PDE1C: variants seen among roughly 807,000 people sequenced by gnomAD.
PDE1C encodes phosphodiesterase 1C, also known as dual specificity calcium/calmodulin-dependent 3',5'-cyclic nucleotide phosphodiesterase 1C.
A neutral mutation model predicts 93.1 loss-of-function variants in PDE1C; 62 were observed. The ratio of observed to expected loss-of-function variants is 0.67; its 90% CI spans 0.54 to 0.82. The LOEUF is 0.82. Ranked by LOEUF, PDE1C falls within the 40% of genes least tolerant of loss-of-function variation. The pLI is 0.00. For missense variants in PDE1C, 742 were observed against 884.6 expected, an observed-to-expected ratio of 0.84 and a Z score of 2.04; for synonymous variants, 325 against 310.1, an observed-to-expected ratio of 1.05 and a Z score of -0.50.
At chr7:31,981,874 A>G (rs1812425718) in intron 2 of PDE1C, among the ~76,000 whole-genome samples, 1 of 152,264 alleles carries the variant, frequency 6.6e-6, no homozygotes, top group African/African-American at 2.4e-5. Flanking sequence ...ACAGTTTCAT[A>G]TCTTACAGAC....
chr7:32,146,032 G>A (rs989073942), intron 3 of PDE1C, among the ~76,000 whole-genome samples: 17 of 152,172 alleles, frequency 1.1e-4, no homozygotes, highest in African/African-American at 4.1e-4. Flanking sequence ...GGAGGAATAA[G>A]AAGGGGTAGT....
At chr7:31,792,887 A>T (rs899969401) in intron 16 of PDE1C, among the ~76,000 whole-genome samples, 2 of 152,104 alleles carry the variant, frequency 1.3e-5, no homozygotes, top group African/African-American at 4.8e-5. Flanking sequence ...GTGACTGATG[A>T]ATTGAAATGG....
intron 2 of PDE1C, among the ~76,000 whole-genome samples, chr7:32,183,468 A>G (rs1377092531): frequency 1.3e-5 from 2 of 152,196 alleles, no homozygotes; most frequent in African/African-American, 2.4e-5. Flanking sequence ...GACAAATGGA[A>G]CAGAACAGAG....
At chr7:32,287,781 A>C (rs1216565852) in intron 1 of PDE1C, among the ~76,000 whole-genome samples, 1 of 152,208 alleles carries the variant, frequency 6.6e-6, no homozygotes. Flanking sequence ...TTTAAATGGA[A>C]GGGCAGCAGG....
chr7:32,385,772 G>A (rs1460598531), intron 1 of PDE1C, among the ~76,000 whole-genome samples: 1 of 152,170 alleles, frequency 6.6e-6, no homozygotes, highest in Non-Finnish European at 1.5e-5. Flanking sequence ...TTAAACCCCA[G>A]GGAGTCAGAT....
At chr7:32,231,889 T>C (rs16875795) in intron 1 of PDE1C, among the ~76,000 whole-genome samples, 15,986 of 152,126 alleles carry the variant, frequency 0.11, 904 homozygotes, top group East Asian at 0.13. Flanking sequence ...GATATCATCT[T>C]GTAAATGTAG....
rs118002222 is a variant in PDE1C, at chr7:32,078,379, G to A, written c.308+91406C>T. ...TGGCTCCCACTTCCAACGGAGGACT[G>A]GTTCAATGGTTTGCTCAGTTAAGAA... is the stretch of plus-strand genomic sequence containing the variant. On this transcript the variant is annotated intron_variant, in intron 3 of 18. Transcript: ENST00000396193. Among the ~76,000 whole-genome samples, 78 of 152,300 alleles carry A rather than the reference G, an allele frequency of 5.1e-4. No homozygotes were observed. The East Asian group carries it at 0.014, about 28-fold the overall frequency.
intron 1 of PDE1C, among the ~76,000 whole-genome samples, chr7:32,230,224 T>G (rs771940445): frequency 6.6e-6 from 1 of 152,112 alleles, no homozygotes; most frequent in African/African-American, 2.4e-5. Context: ...CTGAAAACCA[T>G]AGTGATGGCC....
intron 3 of PDE1C, among the ~76,000 whole-genome samples, chr7:32,090,245 A>G (rs182241762): frequency 6.6e-6 from 1 of 152,304 alleles, no homozygotes; most frequent in East Asian, 1.9e-4. Context: ...AGGCTTCCCA[A>G]ATCAGAGCAT....
intron 1 of PDE1C, among the ~76,000 whole-genome samples, chr7:32,421,246 T>A (rs1190461608): frequency 6.6e-6 from 1 of 152,224 alleles, no homozygotes; most frequent in Non-Finnish European, 1.5e-5. Flanking sequence ...AACTGCTTTG[T>A]GGATTTTGCT....
chr7:31,959,705 A>C (rs773363977), intron 2 of PDE1C, among the ~76,000 whole-genome samples: 19 of 152,312 alleles, frequency 1.2e-4, no homozygotes, highest in Admixed American at 4.6e-4. Context: ...TAAAGTTTCC[A>C]ATTGTTTAAA....
At chr7:31,671,801 T>C in the PDE1C span, among the ~76,000 whole-genome samples, 11 of 152,146 alleles carry the variant, frequency 7.2e-5, no homozygotes, top group Non-Finnish European at 1.2e-4. Context: ...TCTGGGATTG[T>C]CAAATCTCTC....
intron 1 of PDE1C, among the ~76,000 whole-genome samples, chr7:32,232,858 G>T (rs1043503821): frequency 6.6e-6 from 1 of 152,174 alleles, no homozygotes; most frequent in African/African-American, 2.4e-5. Flanking sequence ...ACAACCCACA[G>T]AAGGCTGGTC....
At chr7:31,829,632 A>T (rs1790127750) in intron 11 of PDE1C, among the ~76,000 whole-genome samples, 1 of 152,090 alleles carries the variant, frequency 6.6e-6, no homozygotes, top group African/African-American at 2.4e-5. Flanking sequence ...TGGGGTCACA[A>T]TGGGAGCTGG....
chr7:32,087,334 T>G (rs980327657), intron 3 of PDE1C, among the ~76,000 whole-genome samples: 2 of 151,978 alleles, frequency 1.3e-5, no homozygotes, highest in Admixed American at 6.6e-5. Context: ...TGGCAATCAT[T>G]AAAAAGTCAG....
At chr7:31,803,575 G>A (rs1362608280) in intron 16 of PDE1C, among the ~76,000 whole-genome samples, 2 of 151,828 alleles carry the variant, frequency 1.3e-5, no homozygotes, top group African/African-American at 4.8e-5. Flanking sequence ...AGTCCCCGGT[G>A]TGTGATGTTC....
At chr7:32,112,475 G>A (rs1393382948) in intron 3 of PDE1C, among the ~76,000 whole-genome samples, 1 of 151,866 alleles carries the variant, frequency 6.6e-6, no homozygotes, top group Non-Finnish European at 1.5e-5. Flanking sequence ...TAGTTTGTTT[G>A]TTTGTTTGAA....
the PDE1C span, among the ~76,000 whole-genome samples, chr7:31,737,454 A>T: frequency 6.6e-6 from 1 of 152,162 alleles, no homozygotes; most frequent in Non-Finnish European, 1.5e-5. Flanking sequence ...CATAAGTCTG[A>T]ATTCACTCTC....
intron 7 of PDE1C, among the ~76,000 whole-genome samples, chr7:31,851,168 T>C (rs1004750094): frequency 4.0e-5 from 6 of 151,840 alleles, no homozygotes; most frequent in Admixed American, 6.6e-5. Context: ...CGTCTGATTA[T>C]AGGAGGATAT....
Sources: allele counts gnomAD v4.1 joint callset (sites outside exome capture counted in the v4.1 genomes callset), GRCh38; gene constraint gnomAD v4.1.1; transcripts MANE v1.5; gene names NCBI Gene and HGNC (gene_info 2026-07-23, HGNC 2026-07-21).